Variants in GSTO2 observed in about 807,000 individuals in gnomAD.
GSTO2 encodes the protein glutathione S-transferase omega 2, also known as glutathione S-transferase omega-2.
Under a neutral mutation model 28.4 loss-of-function variants are expected in GSTO2, and 23 were observed. The ratio of observed to expected loss-of-function variants is 0.81; its 90% CI spans 0.58 to 1.15. The LOEUF (loss-of-function observed/expected upper bound fraction) is 1.15, where lower values mean the gene tolerates loss of function less well. GSTO2 is among the 50% of genes most tolerant of loss of function. The pLI, the probability that GSTO2 is intolerant of heterozygous loss-of-function variation, is 0.00. For missense variants in GSTO2, 298 were observed against 297.8 expected (o/e 1.00, Z 0.00); for synonymous variants, 109 against 111.0 (o/e 0.98, Z 0.11).
rs572409575 is a variant in GSTO2, at chr10:104,304,853, C to T, written c.*5569C>T. The T allele has an allele frequency of 6.6e-6, 1 of 152,416 alleles. No individual in the cohort carries two copies. Among genetic ancestry groups the T allele is most frequent in the South Asian group, 2.1e-4 (1 of 4,830 alleles). The allele number at this position is 152,416 out of a possible 1,614,324, so 9.4% of individuals were successfully genotyped here. ...CAATTTTATCCCTCCCCGTCCTCCT[C>T]CCTCTCACCCCAAGGCCAAGTTTAA... On this transcript the variant is annotated 3_prime_UTR_variant, in exon 7 of 7. Transcript: ENST00000338595.
chr10:104,289,242 G>T (rs556545176), intron 5 of GSTO2, among the ~76,000 whole-genome samples: 2 of 152,170 alleles, frequency 1.3e-5, no homozygotes, highest in South Asian at 4.2e-4. Flanking sequence ...AGGACTACAG[G>T]CACCACTATG....
At chr10:104,293,627 C>T (rs935406077) in intron 5 of GSTO2, among the ~76,000 whole-genome samples, 6 of 140,898 alleles carry the variant, frequency 4.3e-5, no homozygotes, top group Non-Finnish European at 9.0e-5. Context: ...ATGTTCACAG[C>T]TTAGTGCAGC....
Position 104,299,446 on chromosome 10 carries a change from C to A in GSTO2, c.*162C>A. 1.2e-6 allele frequency: 1 copy of A among 800,164 alleles called. No individual in the cohort carries two copies. Among genetic ancestry groups the A allele is most frequent in the East Asian group, 2.8e-5 (1 of 36,246 alleles). 49.6% of individuals were successfully genotyped at this position (800,164 alleles called of 1,614,324 possible). A position where few individuals can be genotyped will look rare whatever the true frequency, so the allele number is the denominator to read the frequency against. On this transcript the variant is annotated 3_prime_UTR_variant, in exon 7 of 7. Coordinates refer to ENST00000338595, the MANE Select transcript of GSTO2 (RefSeq NM_183239.2). ...CTTCTGATAATCATTTGTCTGACTC[C>A]TCTAGCCTGTAGCTGCTGCTACTGC...
At position 104,302,606 on chromosome 10, in the gene GSTO2, T is replaced by C. The variant is rs369484389; in HGVS notation, c.*3322T>C. ...CTTTTAGATCTAAAATTCTGTGATA[T>C]GGTTTGGATCTGAGACCCCACCAAA... On this transcript the variant is annotated 3_prime_UTR_variant, in exon 7 of 7. Coordinates refer to ENST00000338595, the MANE Select transcript of GSTO2 (RefSeq NM_183239.2). 6.6e-6 allele frequency: 1 copy of C among 152,254 alleles called. No homozygotes were observed. Among genetic ancestry groups the C allele is most frequent in the South Asian group, 2.1e-4 (1 of 4,834 alleles). The allele number at this position is 152,254 out of a possible 1,614,324, so 9.4% of individuals were successfully genotyped here.
chr10:104,269,858 AGTT>A (rs1457082834), intron 1 of GSTO2, among the ~76,000 whole-genome samples: 2 of 152,216 alleles, frequency 1.3e-5, no homozygotes, highest in Non-Finnish European at 1.5e-5. Flanking sequence ...AACACCCGAA[AGTT>A]GTTGTCATTT....
intron 1 of GSTO2, among the ~76,000 whole-genome samples, chr10:104,273,921 T>C (rs1172329529): frequency 6.6e-6 from 1 of 152,222 alleles, no homozygotes; most frequent in Non-Finnish European, 1.5e-5. Flanking sequence ...CTTTCCTTCA[T>C]GATCTGTTAA....
intron 5 of GSTO2, among the ~76,000 whole-genome samples, chr10:104,287,664 G>A (rs1328824957): frequency 1.3e-5 from 2 of 152,106 alleles, no homozygotes; most frequent in Non-Finnish European, 2.9e-5. Flanking sequence ...ATGTAAATAA[G>A]TGGCTAGAAA....
chr10:104,293,563 A>AATTTTTTTTTTTTTTTTTTTTTTT (rs2012876851), intron 5 of GSTO2, among the ~76,000 whole-genome samples: 1 of 81,652 alleles, frequency 1.2e-5, no homozygotes, highest in Non-Finnish European at 2.3e-5. Flanking sequence ...CGCCTGGCCA[A>AATTTTTTTTTTTTTTTTTTTTTTT]TTTTTTTTTT....
chr10:104,278,016 C>T lies in GSTO2; in HGVS notation c.266C>T (p.Ala89Val). Reference sequence around the variant, plus strand: ...CAACTGATCTATGAATCTGTTATTGCTTGTGAGTACCTGGATGATGCTTAT... The same window carrying T: ...CAACTGATCTATGAATCTGTTATTGTTTGTGAGTACCTGGATGATGCTTAT... ...QCQLIYESVI[A>V]CEYLDDAYPG... Residue 89 changes from alanine (A) to valine (V), a missense_variant, in exon 4 of 7, where the codon GCT becomes GTT. Ala to Val is a moderately conservative substitution (Grantham distance 64). Transcript: ENST00000338595. 6.2e-7 allele frequency: 1 copy of T among 1,614,070 alleles called. No individual in the cohort carries two copies. The highest frequency in any genetic ancestry group is 8.5e-7 in the Non-Finnish European group (1 of 1,179,956).
rs187778360 is a variant in GSTO2, at chr10:104,299,648, A to T, written c.*364A>T. 5.7e-4 allele frequency: 134 copies of T among 235,146 alleles called. 2 individuals are homozygous for T. The highest frequency in any genetic ancestry group is 1.5e-3 in the Admixed American group (24 of 16,448). The allele number at this position is 235,146 out of a possible 1,614,324, so 14.6% of individuals were successfully genotyped here. On this transcript the variant is annotated 3_prime_UTR_variant, in exon 7 of 7. Coordinates refer to ENST00000338595, the MANE Select transcript of GSTO2 (RefSeq NM_183239.2). ...GTGTCACCACGCCCAGCTAATTTTTAAAAAAATGTTGTTGAGACAGGGTCT... is the reference window on the plus strand; with the variant it reads ...GTGTCACCACGCCCAGCTAATTTTTTAAAAAATGTTGTTGAGACAGGGTCT...
chr10:104,274,872 C>A lies in GSTO2; in HGVS notation c.-44C>A. The A allele has an allele frequency of 6.3e-7, 1 of 1,592,820 alleles. No individual in the cohort carries two copies. Among genetic ancestry groups the A allele is most frequent in the Non-Finnish European group, 8.5e-7 (1 of 1,170,224 alleles). ...GCGGCAGCGGTGGCGAGCCACAGGG[C>A]GGCGACCGTGAGCTCCGGGAGCTGC... On this transcript the variant is annotated 5_prime_UTR_variant, in exon 2 of 7. Coordinates refer to ENST00000338595, the MANE Select transcript of GSTO2 (RefSeq NM_183239.2).
Position 104,301,182 on chromosome 10 carries a change from C to T in GSTO2, c.*1898C>T, listed in dbSNP as rs2013246448. 6.6e-6 allele frequency: 1 copy of T among 152,208 alleles called. No individual in the cohort carries two copies. 9.4% of individuals were successfully genotyped at this position (152,208 alleles called of 1,614,324 possible). On this transcript the variant is annotated 3_prime_UTR_variant, in exon 7 of 7. Coordinates refer to ENST00000338595, the MANE Select transcript of GSTO2 (RefSeq NM_183239.2). Reference sequence around the variant, plus strand: ...GAGATTGATCAGCCTTTTGCCGGTACAAATCCTGCATGCTAGTGAGTGCTT... The same window carrying T: ...GAGATTGATCAGCCTTTTGCCGGTATAAATCCTGCATGCTAGTGAGTGCTT...
chr10:104,297,548 T>G (rs2013096332), intron 5 of GSTO2, 30 bp from the exon 6 acceptor site: 1 of 1,398,854 alleles, frequency 7.1e-7, no homozygotes, highest in Non-Finnish European at 1.0e-6. Flanking sequence ...TATATAAACT[T>G]ATTTGCTTTT....
At chr10:104,276,919 A>G (rs1208565413) in intron 3 of GSTO2, among the ~76,000 whole-genome samples, 1 of 152,230 alleles carries the variant, frequency 6.6e-6, no homozygotes. Context: ...AAATAATAAT[A>G]GTATTATTTG....
chr10:104,287,692 A>G (rs1316173527), intron 5 of GSTO2, among the ~76,000 whole-genome samples: 1 of 152,066 alleles, frequency 6.6e-6, no homozygotes, highest in African/African-American at 2.4e-5. Context: ...AGAGAGAAAC[A>G]CATCCACCTC....
intron 5 of GSTO2, among the ~76,000 whole-genome samples, chr10:104,292,905 A>C (rs2012845309): frequency 6.6e-6 from 1 of 152,242 alleles, no homozygotes; most frequent in Admixed American, 6.5e-5. Context: ...ACACTTAAGA[A>C]AGACAAGACA....
intron 1 of GSTO2, among the ~76,000 whole-genome samples, chr10:104,274,166 A>T (rs772090967): frequency 6.6e-6 from 1 of 152,182 alleles, no homozygotes; most frequent in Non-Finnish European, 1.5e-5. Context: ...TATGCTGGGG[A>T]ACGGGGGAAG....
intron 1 of GSTO2, 26 bp from the exon 2 acceptor site, chr10:104,274,659 T>C: frequency 1.8e-6 from 1 of 567,068 alleles, no homozygotes. Flanking sequence ...TCTGGTGTTA[T>C]TTTGTCTTGT....
chr10:104,275,594 G>C (rs559296575), intron 3 of GSTO2, among the ~76,000 whole-genome samples: 21 of 152,114 alleles, frequency 1.4e-4, no homozygotes, highest in Non-Finnish European at 2.2e-4. Flanking sequence ...CTGGTGAACT[G>C]GTTCCCTCCC....
Sources: gnomAD v4.1 joint callset for allele counts (sites outside exome capture counted in the v4.1 genomes callset) on GRCh38, gnomAD v4.1.1 for gene constraint, MANE v1.5 for transcripts, NCBI Gene and HGNC (gene_info 2026-07-23, HGNC 2026-07-21) for gene names.